Variants in SLC6A7 observed in about 807,000 individuals in gnomAD.
SLC6A7 encodes the protein sodium-dependent proline transporter.
In SLC6A7, 58 loss-of-function variants were observed where a neutral mutation model predicts 73.1. The ratio of observed to expected loss-of-function variants is 0.79; its 90% CI spans 0.64 to 0.99. The LOEUF (loss-of-function observed/expected upper bound fraction) is 0.99, where lower values mean the gene tolerates loss of function less well. SLC6A7 is among the 50% of genes least tolerant of loss of function. The pLI is 0.00. For synonymous variants in SLC6A7, 338 were observed against 338.7 expected, an observed-to-expected ratio of 1.00 and a Z score of 0.02; for missense variants, 783 against 831.4, an observed-to-expected ratio of 0.94 and a Z score of 0.72.
intron 5 of SLC6A7, among the ~76,000 whole-genome samples, chr5:150,200,270 A>G (rs1753299140): frequency 6.6e-6 from 1 of 152,196 alleles, no homozygotes; most frequent in African/African-American, 2.4e-5. Flanking sequence ...AGGTGGGTGG[A>G]TCACCTGAGG....
At chr5:150,203,253 C>A (rs114370001) in intron 8 of SLC6A7, among the ~76,000 whole-genome samples, 3 of 152,138 alleles carry the variant, frequency 2.0e-5, no homozygotes, top group African/African-American at 7.2e-5. Flanking sequence ...AAGATTGTCA[C>A]ATTTTGTGCT....
At chr5:150,201,407 A>G (rs950796504) in intron 6 of SLC6A7, among the ~76,000 whole-genome samples, 184 bp downstream of exon 6, 1 of 152,206 alleles carries the variant, frequency 6.6e-6, no homozygotes, top group South Asian at 2.1e-4. Flanking sequence ...TGTATTTATC[A>G]TGTACAACAT....
intron 1 of SLC6A7, 52 bp downstream of exon 1, chr5:150,190,412 A>G (rs1752722144): frequency 8.3e-6 from 11 of 1,328,652 alleles, no homozygotes; most frequent in Non-Finnish European, 1.1e-5. Flanking sequence ...AGGGTTGGAG[A>G]GACCCGCCCC....
chr5:150,207,293 T>C (rs1753749979), intron 13 of SLC6A7, among the ~76,000 whole-genome samples: 1 of 152,172 alleles, frequency 6.6e-6, no homozygotes, highest in African/African-American at 2.4e-5. Flanking sequence ...TTTCACTTTG[T>C]CACCCAGGCT....
In SLC6A7 at chr5:150,199,333, C is replaced by T. The variant is rs75182555; in HGVS notation, c.690C>T (p.Leu230=). Residue 230 remains leucine, a synonymous_variant, in exon 5 of 14, where the codon CTC becomes CTT. Transcript: ENST00000230671. Reference sequence around the variant, plus strand: ...TGCTGGCCTGGGTCATCGTGTTCCTCTGTATCCTCAAGGGTGTGAAGTCTT... The same window carrying T: ...TGCTGGCCTGGGTCATCGTGTTCCTTTGTATCCTCAAGGGTGTGAAGTCTT... ...CLLLAWVIVF[L]CILKGVKSSG... 8.9e-3 allele frequency: 14,406 copies of T among 1,614,098 alleles called. 85 individuals carry two copies. The highest frequency in any genetic ancestry group is 0.011 in the Non-Finnish European group (13,226 of 1,179,978).
intron 2 of SLC6A7, 93 bp from the exon 3 acceptor site, chr5:150,196,623 G>A (rs1753032606): frequency 4.1e-6 from 5 of 1,228,200 alleles, no homozygotes; most frequent in Non-Finnish European, 5.8e-6. Flanking sequence ...AGGTCTGAGG[G>A]GGCATCTGCA....
In SLC6A7 at chr5:150,190,375, C is replaced by T. The variant is rs962491531; in HGVS notation, c.33+15C>T. 13 of 1,484,074 alleles carry T rather than the reference C, an allele frequency of 8.8e-6. No homozygotes were observed. In the East Asian group the frequency reaches 3.2e-4, roughly 36 times the overall value. 91.9% of individuals were successfully genotyped at this position (1,484,074 alleles called of 1,614,324 possible). A position where few individuals can be genotyped will look rare whatever the true frequency, so the allele number is the denominator to read the frequency against. On this transcript the variant is annotated intron_variant, in intron 1 of 13. Transcript: ENST00000230671. ...ACCTCCGCAAGGTAGGGCACGAGGG[C>T]GGGGGCGCTGGGGGTGCACCTGGAG...
intron 5 of SLC6A7, among the ~76,000 whole-genome samples, 166 bp from the exon 6 acceptor site, chr5:150,200,923 C>T (rs2113979364): frequency 6.6e-6 from 1 of 152,230 alleles, no homozygotes; most frequent in South Asian, 2.1e-4. Flanking sequence ...TGGTGCTTTG[C>T]TGATGCTGGG....
At chr5:150,202,769 T>A (rs1233528866) in intron 8 of SLC6A7, 66 bp downstream of exon 8, 10 of 1,558,292 alleles carry the variant, frequency 6.4e-6, no homozygotes, top group Non-Finnish European at 8.7e-6. Flanking sequence ...GCTGGGCCAG[T>A]GGACCAGCAA....
At chr5:150,197,386 G>T (rs1271737990) in intron 4 of SLC6A7, 110 bp downstream of exon 4, 2 of 669,534 alleles carry the variant, frequency 3.0e-6, no homozygotes, top group Non-Finnish European at 5.0e-6. Context: ...AGCTCAGGTG[G>T]TGATGGCAGG....
At chr5:150,203,536 T>G in intron 8 of SLC6A7, 131 bp from the exon 9 acceptor site, 3 of 606,412 alleles carry the variant, frequency 4.9e-6, no homozygotes, top group East Asian at 2.8e-5. Context: ...AGAGGGTGCA[T>G]TTAAGTGGGC....
rs914752943 is a variant in SLC6A7 at position 150,194,861 on chromosome 5, G to A, written c.167G>A (p.Gly56Asp). The change falls in exon 2 of 14, where the codon GGC (glycine) becomes GAC (aspartate). Residue 56 changes from glycine to aspartate, a missense_variant. Transcript: ENST00000230671. ...CTGTCCTGCATTGGCTACTGTGTAG[G>A]CCTGGGGAATGTCTGGCGCTTCCCC... The part of the protein sequence containing the change: ...FLLSCIGYCV[G>D]LGNVWRFPYR... The A allele has an allele frequency of 6.2e-7, 1 of 1,614,192 alleles. No homozygotes were observed. Among genetic ancestry groups the A allele is most frequent in the Non-Finnish European group, 8.5e-7 (1 of 1,180,018 alleles).
At chr5:150,193,492 C>T (rs77576740) in intron 1 of SLC6A7, among the ~76,000 whole-genome samples, 1 of 152,142 alleles carries the variant, frequency 6.6e-6, no homozygotes, top group Non-Finnish European at 1.5e-5. Context: ...TTGACCCCCC[C>T]AGCCAAGCTG....
At chr5:150,200,409 C>T (rs1254731553) in intron 5 of SLC6A7, among the ~76,000 whole-genome samples, 1 of 152,152 alleles carries the variant, frequency 6.6e-6, no homozygotes, top group Non-Finnish European at 1.5e-5. Flanking sequence ...GGGAGAATCG[C>T]TTGAACCTGG....
chr5:150,200,984 G>T, intron 5 of SLC6A7, 105 bp from the exon 6 acceptor site: 1 of 1,225,248 alleles, frequency 8.2e-7, no homozygotes, highest in Non-Finnish European at 1.2e-6. Context: ...TTCCTGGCTT[G>T]GGCTACCCAA....
chr5:150,202,326 T>C, intron 6 of SLC6A7, 21 bp from the exon 7 acceptor site: 3 of 1,570,516 alleles, frequency 1.9e-6, no homozygotes, highest in Middle Eastern at 1.7e-4. Flanking sequence ...ACACCCTCCC[T>C]TTCCATCCTT....
chr5:150,198,134 A>C lies in SLC6A7; in HGVS notation c.584+858A>C, dbSNP rs530419719. On this transcript the variant is annotated intron_variant, in intron 4 of 13. Coordinates refer to ENST00000230671, the MANE Select transcript of SLC6A7 (RefSeq NM_014228.5). ...AAGAAAGAGAAAGAAAGAAAGAAAG[A>C]AAGAAAGCAAAGCCCAGAGGCTTGC... Among the ~76,000 whole-genome samples, 25 of 151,208 alleles carry C rather than the reference A, an allele frequency of 1.7e-4. No individual in the cohort carries two copies. In the East Asian group the frequency reaches 1.9e-3, roughly 12 times the overall value.
At chr5:150,191,030 G>A (rs1752759962) in intron 1 of SLC6A7, among the ~76,000 whole-genome samples, 1 of 152,144 alleles carries the variant, frequency 6.6e-6, no homozygotes, top group African/African-American at 2.4e-5. Context: ...TGTGGGATTG[G>A]ACCTCTCAGC....
Position 150,203,069 on chromosome 5 carries a change from G to A in SLC6A7, c.1087+366G>A, listed in dbSNP as rs539991914. Among the ~76,000 whole-genome samples the A allele has an allele frequency of 1.4e-3, 191 of 135,650 alleles. 4 individuals are homozygous for A. The South Asian group carries it at 0.034, about 24-fold the overall frequency. 89.0% of individuals were successfully genotyped at this position (135,650 alleles called of 152,430 possible). A position where few individuals can be genotyped will look rare whatever the true frequency, so the allele number is the denominator to read the frequency against. ...AGCATGGGCAACAGAGCAAGACTCT[G>A]CCTCAAAAAAAAAAAAAAAAGATTG... On this transcript the variant is annotated intron_variant, in intron 8 of 13. Coordinates refer to ENST00000230671, the MANE Select transcript of SLC6A7 (RefSeq NM_014228.5).
Sources: allele counts gnomAD v4.1 joint callset (sites outside exome capture counted in the v4.1 genomes callset), GRCh38; gene constraint gnomAD v4.1.1; transcripts MANE v1.5; gene names NCBI Gene and HGNC (gene_info 2026-07-23, HGNC 2026-07-21).